The following TBCEL variants were observed in gnomAD, a reference collection of about 807,000 sequenced individuals.
TBCEL encodes the protein tubulin folding cofactor E like.
TBCEL carries 15 observed loss-of-function variants against 44.2 expected under a neutral mutation model. That is an observed-to-expected ratio of 0.34 (90% CI 0.23 to 0.52). TBCEL has a LOEUF of 0.52. Ranked by LOEUF, TBCEL falls within the 20% of genes least tolerant of loss-of-function variation. The pLI is 0.95. For missense variants in TBCEL, 319 were observed against 506.3 expected, an observed-to-expected ratio of 0.63 and a Z score of 3.55; for synonymous variants, 171 against 185.4, an observed-to-expected ratio of 0.92 and a Z score of 0.63.
At chr11:121,076,982 AT>A (rs1217161890) in intron 8 of TBCEL, among the ~76,000 whole-genome samples, 1 of 152,016 alleles carries the variant, frequency 6.6e-6, no homozygotes, top group Non-Finnish European at 1.5e-5. Context: ...CCAGCCTTGA[AT>A]TCCCAAAATA....
In TBCEL at chr11:121,047,556, G is replaced by T; in HGVS notation, c.162G>T (p.Val54=). 1 of 1,612,588 alleles carries T rather than the reference G, an allele frequency of 6.2e-7. No homozygotes were observed. The highest frequency in any genetic ancestry group is 2.2e-5 in the East Asian group (1 of 44,842). ...KDRLNLPSVL[V]LNSCGITCAG... ...GCCTCAACCTCCCAAGTGTACTAGT[G>T]TTGAACAGCTGTGGAATAACCTGTG... Residue 54 remains valine (V), a synonymous_variant, in exon 4 of 9, where the codon GTG becomes GTT. Coordinates refer to ENST00000683345, the MANE Select transcript of TBCEL (RefSeq NM_001363644.2).
At chr11:121,069,617 C>G (rs1945887405) in intron 8 of TBCEL, among the ~76,000 whole-genome samples, 1 of 151,964 alleles carries the variant, frequency 6.6e-6, no homozygotes, top group Non-Finnish European at 1.5e-5. Flanking sequence ...ATGGTGAAAC[C>G]CCATTTCTAC....
intron 8 of TBCEL, among the ~76,000 whole-genome samples, chr11:121,068,439 G>A (rs1945862974): frequency 6.6e-6 from 1 of 150,534 alleles, no homozygotes; most frequent in Non-Finnish European, 1.5e-5. Flanking sequence ...TCTGACTACT[G>A]CTTCCTATCA....
rs181293524 is a variant in TBCEL, at chr11:121,065,392, T to G, written c.956+5307T>G. On this transcript the variant is annotated intron_variant, in intron 8 of 8. Coordinates refer to ENST00000683345, the MANE Select transcript of TBCEL (RefSeq NM_001363644.2). Reference sequence around the variant, plus strand: ...CTAAGTGAGAATTAGAGATTGAGGATACTCTTAACTCATCTCCTCAGAATC... The same window carrying G: ...CTAAGTGAGAATTAGAGATTGAGGAGACTCTTAACTCATCTCCTCAGAATC... Among the ~76,000 whole-genome samples, 7 of 152,266 alleles carry G rather than the reference T, an allele frequency of 4.6e-5. No individual in the cohort carries two copies. In the East Asian group the frequency reaches 1.4e-3, roughly 29 times the overall value.
At chr11:121,070,982 G>T (rs1945919869) in intron 8 of TBCEL, among the ~76,000 whole-genome samples, 1 of 152,088 alleles carries the variant, frequency 6.6e-6, no homozygotes, top group South Asian at 2.1e-4. Flanking sequence ...AATTTGAACT[G>T]GTCCTCAGAA....
chr11:121,059,037 C>T (rs532529099), intron 7 of TBCEL, among the ~76,000 whole-genome samples: 51 of 152,012 alleles, frequency 3.4e-4, no homozygotes, highest in African/African-American at 1.2e-3. Flanking sequence ...GAACCTTTAG[C>T]AGAAATAAGA....
chr11:121,029,551 G>A (rs1018263957), intron 1 of TBCEL, among the ~76,000 whole-genome samples: 6 of 152,200 alleles, frequency 3.9e-5, no homozygotes, highest in Admixed American at 2.6e-4. Flanking sequence ...GTAGTCATAA[G>A]TGAACTCAGA....
intron 1 of TBCEL, among the ~76,000 whole-genome samples, chr11:121,032,515 A>G (rs898153926): frequency 6.6e-6 from 1 of 152,238 alleles, no homozygotes; most frequent in Admixed American, 6.5e-5. Context: ...AATATGTATC[A>G]TTGATTCGTT....
intron 5 of TBCEL, 69 bp downstream of exon 5, chr11:121,053,801 G>C (rs763138856): frequency 2.8e-5 from 41 of 1,472,418 alleles, no homozygotes; most frequent in Non-Finnish European, 3.8e-5. Context: ...GAGTACTGCT[G>C]ATCTCCCACG....
At chr11:121,028,946 G>C (rs1281119034) in intron 1 of TBCEL, among the ~76,000 whole-genome samples, 1 of 152,154 alleles carries the variant, frequency 6.6e-6, no homozygotes, top group Non-Finnish European at 1.5e-5. Context: ...GCAAACTTTT[G>C]AATGGTGGAC....
chr11:121,064,473 CA>C (rs1406830323), intron 8 of TBCEL, among the ~76,000 whole-genome samples: 1 of 152,124 alleles, frequency 6.6e-6, no homozygotes, highest in Non-Finnish European at 1.5e-5. Context: ...ATTCCAGGAC[CA>C]ATTAGCTATT....
At chr11:121,053,465 C>A in intron 4 of TBCEL, 86 bp from the exon 5 acceptor site, 2 of 1,295,628 alleles carry the variant, frequency 1.5e-6, no homozygotes, top group Non-Finnish European at 2.2e-6. Context: ...TGCCTGGAGA[C>A]CAGCTCCTCT....
intron 4 of TBCEL, among the ~76,000 whole-genome samples, chr11:121,052,408 A>G (rs1481630172): frequency 6.6e-6 from 1 of 151,796 alleles, no homozygotes. Context: ...AAATGAGGAA[A>G]CTGAGATTTG....
chr11:121,065,572 T>G (rs954015807), intron 8 of TBCEL, among the ~76,000 whole-genome samples: 15 of 152,254 alleles, frequency 9.9e-5, no homozygotes, highest in African/African-American at 3.1e-4. Flanking sequence ...TCTGGTTACA[T>G]CAGCTCTATT....
intron 2 of TBCEL, among the ~76,000 whole-genome samples, chr11:121,042,724 C>T (rs1945356400): frequency 6.6e-6 from 1 of 152,076 alleles, no homozygotes; most frequent in Admixed American, 6.6e-5. Flanking sequence ...AAATTGATTC[C>T]ACAAAGTCCA....
At chr11:121,070,834 TAAA>T (rs1248859590) in intron 8 of TBCEL, among the ~76,000 whole-genome samples, 2 of 137,670 alleles carry the variant, frequency 1.5e-5, no homozygotes, top group Non-Finnish European at 3.2e-5. Flanking sequence ...TTAAAGTATT[TAAA>T]AAAAAAAAAA....
chr11:121,056,841 T>C (rs1200234361), intron 6 of TBCEL, among the ~76,000 whole-genome samples: 1 of 151,874 alleles, frequency 6.6e-6, no homozygotes, highest in African/African-American at 2.4e-5. Context: ...TATTCCTTAT[T>C]ATTAAGTTTT....
At chr11:121,064,098 T>G (rs1945773628) in intron 8 of TBCEL, among the ~76,000 whole-genome samples, 1 of 152,184 alleles carries the variant, frequency 6.6e-6, no homozygotes, top group Non-Finnish European at 1.5e-5. Context: ...CAGCTTCCAG[T>G]TGGAATAATT....
rs76725493 is a variant in TBCEL at position 121,045,467 on chromosome 11, C to T, written c.-17-207C>T. On this transcript the variant is annotated intron_variant, in intron 2 of 8. Transcript: ENST00000683345. Reference sequence around the variant, plus strand: ...TTTTCATCTGTATTGCAGATATATGCTCAACTGTTATTGCTGTCATTTGTA... The same window carrying T: ...TTTTCATCTGTATTGCAGATATATGTTCAACTGTTATTGCTGTCATTTGTA... 5.2e-3 allele frequency among the ~76,000 whole-genome samples: 787 copies of T among 152,180 alleles called. 5 individuals carry two copies. Among genetic ancestry groups the T allele is most frequent in the African/African-American group, 0.017 (724 of 41,544 alleles).
Sources: gnomAD v4.1 joint callset for allele counts (sites outside exome capture counted in the v4.1 genomes callset) on GRCh38, gnomAD v4.1.1 for gene constraint, MANE v1.5 for transcripts, NCBI Gene and HGNC (gene_info 2026-07-23, HGNC 2026-07-21) for gene names.